Variants in VWF observed in about 807,000 individuals in gnomAD.
The protein encoded by VWF is Factor VIII related antigen.
In VWF, 176 loss-of-function variants were observed where a neutral mutation model predicts 308.6. The ratio of observed to expected loss-of-function variants is 0.57; its 90% confidence interval spans 0.50 to 0.65. The LOEUF (loss-of-function observed/expected upper bound fraction) is 0.65. Among genes scored for constraint, VWF ranks in the 30% least tolerant of loss-of-function variants. The probability of loss-of-function intolerance (pLI) is 0.00; values close to 1 mark genes in which losing one functional copy is unlikely to be tolerated. For missense variants in VWF, 3,146 were observed against 3,648.2 expected, an observed-to-expected ratio of 0.86 and a Z score of 3.55; for synonymous variants, 1,385 against 1,443.4, an observed-to-expected ratio of 0.96 and a Z score of 0.92.
intron 22 of VWF, among the ~76,000 whole-genome samples, chr12:6,029,080 T>C (rs1198355860): frequency 1.1e-4 from 15 of 136,964 alleles, no homozygotes; most frequent in South Asian, 2.2e-4. Context: ...ACCAAGCAAA[T>C]GGAAGGCAAA....
intron 34 of VWF, among the ~76,000 whole-genome samples, chr12:5,998,501 A>AAAAAAG (rs1943836705): frequency 4.1e-5 from 1 of 24,104 alleles, no homozygotes; most frequent in Non-Finnish European, 7.2e-5. Context: ...AAAAAAAAAT[A>AAAAAAG]TATATATATA....
intron 40 of VWF, among the ~76,000 whole-genome samples, chr12:5,983,924 G>C: frequency 6.6e-6 from 1 of 151,130 alleles, no homozygotes; most frequent in Admixed American, 6.6e-5. Flanking sequence ...AGATACATAG[G>C]TTAGATAGAG....
chr12:5,955,339 G>A (rs906113765), intron 47 of VWF, among the ~76,000 whole-genome samples: 4 of 151,912 alleles, frequency 2.6e-5, no homozygotes, highest in Non-Finnish European at 5.9e-5. Context: ...TTAGCATTAC[G>A]TATATCTCCT....
rs192417172 is a variant in VWF at position 5,967,770 on chromosome 12, G to C, written c.7771-168C>G. Among the ~76,000 whole-genome samples, 270 of 152,234 alleles carry C rather than the reference G, an allele frequency of 1.8e-3. 2 individuals are homozygous for C. The highest frequency in any genetic ancestry group is 3.6e-3 in the Non-Finnish European group (243 of 68,022). On this transcript the variant is annotated intron_variant, in intron 46 of 51. Coordinates refer to ENST00000261405, the MANE Select transcript of VWF (RefSeq NM_000552.5). The stretch of plus-strand genomic sequence containing the variant: ...CTGCCTTCCCGTCCTCCCACCTCCA[G>C]TATCAAGATGGTAAGAGTGAGAACT...
chr12:6,074,500 A>AAC (rs1300535802), intron 7 of VWF, among the ~76,000 whole-genome samples: 37 of 151,634 alleles, frequency 2.4e-4, no homozygotes, highest in Admixed American at 1.3e-4. Flanking sequence ...AAAAAAAAAA[A>AAC]AAAAAAAAAA....
chr12:6,010,054 C>T (rs767499383), intron 34 of VWF, among the ~76,000 whole-genome samples: 1 of 152,110 alleles, frequency 6.6e-6, no homozygotes, highest in Non-Finnish European at 1.5e-5. Context: ...ATCTGCTGTA[C>T]AACAACTTGC....
chr12:6,057,087 G>A lies in VWF; in HGVS notation c.1730-15C>T. On this transcript the variant is annotated splice_polypyrimidine_tract_variant and intron_variant, in intron 14 of 51. Coordinates refer to ENST00000261405, the MANE Select transcript of VWF (RefSeq NM_000552.5). ...GGAGAACCTGGCTGTGGGGCGAGAG[G>A]AGCGAGCCTGGGATGTGGTGGGGAG... The A allele has an allele frequency of 6.5e-7, 1 of 1,529,724 alleles. No homozygotes were observed. Among genetic ancestry groups the A allele is most frequent in the Non-Finnish European group, 8.7e-7 (1 of 1,143,812 alleles). The allele number at this position is 1,529,724 out of a possible 1,614,324, so 94.8% of individuals were successfully genotyped here.
At chr12:6,017,734 A>G (rs1295148680) in intron 28 of VWF, among the ~76,000 whole-genome samples, 2 of 152,218 alleles carry the variant, frequency 1.3e-5, no homozygotes, top group East Asian at 1.9e-4. Flanking sequence ...TGTATAGATG[A>G]TATACAAAGA....
intron 44 of VWF, 77 bp from the exon 45 acceptor site, chr12:5,969,468 C>T (rs992594260): frequency 1.9e-6 from 3 of 1,570,880 alleles, no homozygotes; most frequent in Non-Finnish European, 2.6e-6. Context: ...GTGCTCTTCT[C>T]TCAGGAAGGT....
chr12:6,120,896 T>C (rs1945423093), intron 3 of VWF, among the ~76,000 whole-genome samples: 1 of 152,106 alleles, frequency 6.6e-6, no homozygotes, highest in African/African-American at 2.4e-5. Flanking sequence ...GCCTTGATGC[T>C]GTGGAGTTCC....
At chr12:6,100,094 A>G (rs1478384050) in intron 5 of VWF, among the ~76,000 whole-genome samples, 1 of 152,134 alleles carries the variant, frequency 6.6e-6, no homozygotes, top group African/African-American at 2.4e-5. Flanking sequence ...ACATGAGCAG[A>G]CACTTCTCAA....
intron 6 of VWF, among the ~76,000 whole-genome samples, chr12:6,084,371 C>A (rs763580): frequency 1.3e-5 from 2 of 152,062 alleles, no homozygotes; most frequent in Admixed American, 6.6e-5. Context: ...TCCTGTCGGC[C>A]GTGCCAGGAG....
At chr12:5,992,482 A>C (rs1449801044) in intron 37 of VWF, among the ~76,000 whole-genome samples, 1 of 152,188 alleles carries the variant, frequency 6.6e-6, no homozygotes, top group African/African-American at 2.4e-5. Flanking sequence ...TGAGGCCCAG[A>C]ATCAGCTGGA....
At chr12:5,982,693 ATT>A (rs1201165462) in intron 41 of VWF, among the ~76,000 whole-genome samples, 1 of 152,218 alleles carries the variant, frequency 6.6e-6, no homozygotes. Context: ...GTCGTGTCTT[ATT>A]TTAGTCCATC....
chr12:6,099,961 C>A (rs1591917383), intron 5 of VWF, among the ~76,000 whole-genome samples: 1 of 150,458 alleles, frequency 6.6e-6, no homozygotes, highest in East Asian at 1.9e-4. Context: ...AGGCAACCTA[C>A]AAAATGGGAG....
At chr12:6,034,981 G>C (rs533333937) in intron 19 of VWF, among the ~76,000 whole-genome samples, 155 bp from the exon 20 acceptor site, 58 of 152,264 alleles carry the variant, frequency 3.8e-4, no homozygotes, top group African/African-American at 9.9e-4. Context: ...CGTGGAGTGT[G>C]GACTTCATAG....
At chr12:6,071,156 G>T (rs970934977) in intron 10 of VWF, 141 bp downstream of exon 10, 42 of 891,580 alleles carry the variant, frequency 4.7e-5, no homozygotes, top group Non-Finnish European at 6.9e-5. Context: ...CCAGAGCTGG[G>T]GTCACGTGGT....
chr12:6,039,160 A>G (rs216338), intron 18 of VWF, among the ~76,000 whole-genome samples: 101,070 of 151,932 alleles, frequency 0.67, 33,813 homozygotes, highest in East Asian at 0.79. Flanking sequence ...CGGGACATCA[A>G]AAGGCTACTA....
At chr12:6,045,474 G>C (rs1265376279) in intron 17 of VWF, among the ~76,000 whole-genome samples, 2 of 152,234 alleles carry the variant, frequency 1.3e-5, no homozygotes, top group East Asian at 3.8e-4. Context: ...AGGTCTGAGA[G>C]GCAGAATGCA....
Sources: gnomAD v4.1 joint callset for allele counts (sites outside exome capture counted in the v4.1 genomes callset) on GRCh38, gnomAD v4.1.1 for gene constraint, MANE v1.5 for transcripts, NCBI Gene and HGNC (gene_info 2026-07-23, HGNC 2026-07-21) for gene names.